The following MEDAG variants were observed in gnomAD, a reference collection of about 807,000 sequenced individuals.
MEDAG encodes mesenteric estrogen-dependent adipogenesis protein.
MEDAG carries 25 observed loss-of-function variants against 29.9 expected under a neutral mutation model. The observed-to-expected ratio is 0.84, with a 90% CI of 0.61 to 1.17. The LOEUF (loss-of-function observed/expected upper bound fraction) is 1.17, where lower values mean the gene tolerates loss of function less well. Among genes scored for constraint, MEDAG ranks in the 50% most tolerant of loss-of-function variants. The probability of loss-of-function intolerance (pLI) is 0.00; values close to 1 mark genes in which losing one functional copy is unlikely to be tolerated. For missense variants in MEDAG, 398 were observed against 372.9 expected (o/e 1.07, Z -0.56); for synonymous variants, 158 against 148.2 (o/e 1.07, Z -0.48).
At chr13:30,920,915 C>T in intron 2 of MEDAG, 99 bp from the exon 3 acceptor site, 2 of 887,766 alleles carry the variant, frequency 2.3e-6, no homozygotes, top group Non-Finnish European at 3.6e-6. Flanking sequence ...TGAATAAAAT[C>T]TTCAAAGGAG....
chr13:30,915,404 C>T (rs1180803038), intron 1 of MEDAG, among the ~76,000 whole-genome samples: 1 of 152,176 alleles, frequency 6.6e-6, no homozygotes, highest in Admixed American at 6.5e-5. Context: ...CCACTGTCCC[C>T]TTTCTAGACT....
intron 1 of MEDAG, among the ~76,000 whole-genome samples, chr13:30,910,586 T>A (rs1952873121): frequency 6.6e-6 from 1 of 152,224 alleles, no homozygotes; most frequent in Non-Finnish European, 1.5e-5. Context: ...TCTCACTCAT[T>A]TCCTGAATCT....
chr13:30,917,595 T>C (rs1177309455), intron 2 of MEDAG, 83 bp downstream of exon 2: 2 of 784,542 alleles, frequency 2.5e-6, no homozygotes, highest in East Asian at 5.3e-5. Flanking sequence ...AGAGGTTTAA[T>C]TGGCTCACGG....
At chr13:30,921,209 G>C (rs1200009727) in intron 3 of MEDAG, 83 bp downstream of exon 3, 1 of 1,203,990 alleles carries the variant, frequency 8.3e-7, no homozygotes, top group Non-Finnish European at 1.2e-6. Flanking sequence ...AGGCCCTATT[G>C]CCCTGGCTTA....
At chr13:30,908,829 CA>C in intron 1 of MEDAG, 1 of 152,378 alleles carries the variant, frequency 6.6e-6, no homozygotes, top group Non-Finnish European at 1.5e-5. Flanking sequence ...GGCATGCTTC[CA>C]AAGATCTCAG....
intron 4 of MEDAG, chr13:30,922,942 A>G (rs925548885): frequency 3.3e-5 from 5 of 151,886 alleles, no homozygotes; most frequent in Non-Finnish European, 7.4e-5. Flanking sequence ...ATTTTTTGAG[A>G]CGGACTCTCG....
chr13:30,906,320 A>G lies in MEDAG; in HGVS notation c.-196A>G. The G allele has an allele frequency of 2.2e-6, 1 of 447,524 alleles. No individual in the cohort carries two copies. The highest frequency in any genetic ancestry group is 3.7e-6 in the Non-Finnish European group (1 of 269,108). The allele number at this position is 447,524 out of a possible 1,614,324, so 27.7% of individuals were successfully genotyped here. On this transcript the variant is annotated 5_prime_UTR_variant, in exon 1 of 5. Coordinates refer to ENST00000380482, the MANE Select transcript of MEDAG (RefSeq NM_032849.4). ...GGCTCCCAGCGAGTGGCAGCTTGGGAGGGGCCGCCCGGGCGGTCAGACTGG... is the reference window on the plus strand; with the variant it reads ...GGCTCCCAGCGAGTGGCAGCTTGGGGGGGGCCGCCCGGGCGGTCAGACTGG...
At position 30,921,033 on chromosome 13, in the gene MEDAG, T is replaced by C. The variant is rs928973001; in HGVS notation, c.408T>C (p.Leu136=). 2.5e-6 allele frequency: 4 copies of C among 1,614,066 alleles called. No homozygotes were observed. Among genetic ancestry groups the C allele is most frequent in the Non-Finnish European group, 3.4e-6 (4 of 1,179,976 alleles). Residue 136 remains leucine, a synonymous_variant, in exon 3 of 5, where the codon CTT becomes CTC. Coordinates refer to ENST00000380482, the MANE Select transcript of MEDAG (RefSeq NM_032849.4). Reference sequence around the variant, plus strand: ...TTCTAGAAAGGACGTACGCGTTTCTTGTAAACACGAGGCACCCCAAGATAA... The same window carrying C: ...TTCTAGAAAGGACGTACGCGTTTCTCGTAAACACGAGGCACCCCAAGATAA... ...DTSKERTYAF[L]VNTRHPKIRR... is the part of the protein sequence containing the mutation.
intron 1 of MEDAG, among the ~76,000 whole-genome samples, chr13:30,917,125 C>T (rs185412654): frequency 2.8e-4 from 42 of 152,292 alleles, no homozygotes; most frequent in Admixed American, 5.2e-4. Flanking sequence ...TTAGCCCAAA[C>T]GACAGATGAT....
At chr13:30,921,443 G>A in intron 3 of MEDAG, 118 bp from the exon 4 acceptor site, 7 of 946,240 alleles carry the variant, frequency 7.4e-6, no homozygotes, top group Non-Finnish European at 1.1e-5. Flanking sequence ...AAATATGTGT[G>A]AGAGTGAAAG....
rs533672602 is a variant in MEDAG, at chr13:30,907,064, G to C, written c.278+271G>C. On this transcript the variant is annotated intron_variant, in intron 1 of 4. Transcript: ENST00000380482. Reference sequence around the variant, plus strand: ...ACTGGGGGCGAGGGGGAGGGCAGGGGCCCCCCAGCCAGAGCTCATGAGTGG... The same window carrying C: ...ACTGGGGGCGAGGGGGAGGGCAGGGCCCCCCCAGCCAGAGCTCATGAGTGG... Among the ~76,000 whole-genome samples the C allele has an allele frequency of 8.5e-5, 13 of 152,272 alleles. No individual in the cohort carries two copies. In the South Asian group the frequency reaches 2.7e-3, roughly 32 times the overall value.
At chr13:30,912,480 C>T (rs552598950) in intron 1 of MEDAG, among the ~76,000 whole-genome samples, 2 of 152,056 alleles carry the variant, frequency 1.3e-5, no homozygotes, top group South Asian at 2.1e-4. Context: ...TTTTTCTCTG[C>T]TCAACTGTCC....
chr13:30,910,193 A>AACACACACACACACACACACAC lies in MEDAG; in HGVS notation c.278+3404_278+3425dup, dbSNP rs77242350. ...TACCATTAACTACGACACACACACAAACACACACACACACACACACACACA... is the reference window on the plus strand; with the variant it reads ...TACCATTAACTACGACACACACACAAACACACACACACACACACACACACACACACACACACACACACACACA... On this transcript the variant is annotated intron_variant, in intron 1 of 4. Transcript: ENST00000380482. Among the ~76,000 whole-genome samples the AACACACACACACACACACACAC allele has an allele frequency of 2.0e-4, 30 of 149,274 alleles. No individual in the cohort carries two copies. In the East Asian group the frequency reaches 4.6e-3, roughly 23 times the overall value.
chr13:30,917,526 T>A lies in MEDAG; in HGVS notation c.388+14T>A, dbSNP rs556772294. The stretch of plus-strand genomic sequence containing the variant: ...ACACCTCAAAAGGTAAGTATCTATA[T>A]TAGTCCATTTTCACACTGCTATAAA... On this transcript the variant is annotated intron_variant, in intron 2 of 4. Coordinates refer to ENST00000380482, the MANE Select transcript of MEDAG (RefSeq NM_032849.4). 1.5e-6 allele frequency: 2 copies of A among 1,371,274 alleles called. No individual in the cohort carries two copies. The highest frequency in any genetic ancestry group is 2.1e-6 in the Non-Finnish European group (2 of 964,466). The allele number at this position is 1,371,274 out of a possible 1,614,324, so 84.9% of individuals were successfully genotyped here. A position where few individuals can be genotyped will look rare whatever the true frequency, so the allele number is the denominator to read the frequency against.
intron 2 of MEDAG, among the ~76,000 whole-genome samples, chr13:30,919,552 G>T (rs914722194): frequency 2.6e-5 from 4 of 152,262 alleles, no homozygotes; most frequent in South Asian, 2.1e-4. Flanking sequence ...TTTATCTATT[G>T]TCTTAAAGAG....
chr13:30,913,738 T>C (rs1952901958), intron 1 of MEDAG, among the ~76,000 whole-genome samples: 1 of 152,132 alleles, frequency 6.6e-6, no homozygotes, highest in Non-Finnish European at 1.5e-5. Context: ...CATTAGTAAT[T>C]CTGAAATATC....
In MEDAG at chr13:30,906,381, A is replaced by G. The variant is rs1267500066; in HGVS notation, c.-135A>G. 1.1e-5 allele frequency: 11 copies of G among 958,002 alleles called. No individual in the cohort carries two copies. Among genetic ancestry groups the G allele is most frequent in the South Asian group, 3.2e-5 (1 of 31,146 alleles). The allele number at this position is 958,002 out of a possible 1,614,324, so 59.3% of individuals were successfully genotyped here. On this transcript the variant is annotated 5_prime_UTR_variant, in exon 1 of 5. Coordinates refer to ENST00000380482, the MANE Select transcript of MEDAG (RefSeq NM_032849.4). ...GCCACCGCGTCCCGGCCAGGCGGGC[A>G]GACCGACCCCCTCCTCACCTCGCGC...
At chr13:30,913,266 A>G (rs527890863) in intron 1 of MEDAG, among the ~76,000 whole-genome samples, 8 of 152,172 alleles carry the variant, frequency 5.3e-5, no homozygotes, top group African/African-American at 1.4e-4. Context: ...CCCAGGCTGG[A>G]GTGCAGTGGT....
At chr13:30,921,250 T>C (rs1952982585) in intron 3 of MEDAG, 124 bp downstream of exon 3, 1 of 778,318 alleles carries the variant, frequency 1.3e-6, no homozygotes, top group East Asian at 2.7e-5. Context: ...GAAAACAAAG[T>C]GCATTCAGAC....
Sources: gnomAD v4.1 joint callset for allele counts (sites outside exome capture counted in the v4.1 genomes callset) on GRCh38, gnomAD v4.1.1 for gene constraint, MANE v1.5 for transcripts, NCBI Gene and HGNC (gene_info 2026-07-23, HGNC 2026-07-21) for gene names.